Variants in THADA observed in about 807,000 individuals in gnomAD.
THADA encodes the protein tRNA (32-2'-O)-methyltransferase regulator THADA.
Under a neutral mutation model 219.8 loss-of-function variants are expected in THADA, and 213 were observed. That is an observed-to-expected ratio of 0.97 (90% CI 0.87 to 1.09). The LOEUF is 1.09. THADA is among the 50% of genes least tolerant of loss of function. The pLI, the probability that THADA is intolerant of heterozygous loss-of-function variation, is 0.00. For synonymous variants in THADA, 1,018 were observed against 828.9 expected, an observed-to-expected ratio of 1.23 and a Z score of -3.92; for missense variants, 2,956 against 2,311.3, an observed-to-expected ratio of 1.28 and a Z score of -5.72.
intron 17 of THADA, among the ~76,000 whole-genome samples, chr2:43,552,888 C>G (rs77276591): frequency 0.019 from 2,843 of 151,922 alleles, 43 homozygotes; most frequent in African/African-American, 0.048. Context: ...CCTAGAGGAT[C>G]ACATATTGTA....
At chr2:43,497,480 G>C (rs760882959) in intron 25 of THADA, among the ~76,000 whole-genome samples, 59 of 152,262 alleles carry the variant, frequency 3.9e-4, no homozygotes, top group Non-Finnish European at 7.1e-4. Context: ...ATTGGGAGCT[G>C]AACAGTGAGA....
At position 43,515,151 on chromosome 2, in the gene THADA, T is replaced by TATATATAATATATA. The variant is rs1691342390; in HGVS notation, c.3375-6372_3375-6371insTATATATTATATAT. On this transcript the variant is annotated intron_variant, in intron 22 of 37. Transcript: ENST00000405975. ...TTTATATATAATATATAATATATTT[T>TATATATAATATATA]ATATATTATATATAATATATTATAT... is the stretch of plus-strand genomic sequence containing the variant. 6.5e-4 allele frequency among the ~76,000 whole-genome samples: 4 copies of TATATATAATATATA among 6,128 alleles called. 1 individual carries two copies. The highest frequency in any genetic ancestry group is 3.8e-3 in the South Asian group (1 of 262). The allele number at this position is 6,128 out of a possible 152,430, so 4.0% of individuals were successfully genotyped here. A position where few individuals can be genotyped will look rare whatever the true frequency, so the allele number is the denominator to read the frequency against.
At chr2:43,424,843 C>T (rs1558738925) in intron 28 of THADA, among the ~76,000 whole-genome samples, 1 of 152,088 alleles carries the variant, frequency 6.6e-6, no homozygotes. Context: ...TAACCCCAGG[C>T]GATTGTCACC....
intron 35 of THADA, among the ~76,000 whole-genome samples, chr2:43,284,348 G>A (rs78528659): frequency 0.03 from 4,630 of 152,238 alleles, 99 homozygotes; most frequent in Middle Eastern, 0.082. Flanking sequence ...GCAGCCTCAG[G>A]ACACAGCACG....
At chr2:43,248,156 TATATATATAGAG>T (rs1361136228) in intron 36 of THADA, among the ~76,000 whole-genome samples, 102 of 75,966 alleles carry the variant, frequency 1.3e-3, no homozygotes, top group African/African-American at 2.6e-3. Context: ...TATATATATA[TATATATATAGAG>T]AGAGAGAGAG....
intron 29 of THADA, among the ~76,000 whole-genome samples, chr2:43,386,574 T>C (rs1162480725): frequency 2.0e-5 from 3 of 152,144 alleles, no homozygotes; most frequent in African/African-American, 4.8e-5. Context: ...ATGTATAATA[T>C]TTAAGGTCCT....
intron 34 of THADA, among the ~76,000 whole-genome samples, chr2:43,291,057 TAA>T (rs141959512): frequency 2.0e-5 from 3 of 151,858 alleles, no homozygotes; most frequent in Non-Finnish European, 2.9e-5. Context: ...CCTCTTTAAA[TAA>T]AGAGTCCAGC....
intron 25 of THADA, among the ~76,000 whole-genome samples, chr2:43,488,463 T>C (rs896799178): frequency 2.2e-4 from 33 of 152,188 alleles, no homozygotes; most frequent in African/African-American, 7.7e-4. Context: ...TTCTTTCACC[T>C]AGCATAATGT....
chr2:43,518,088 T>G (rs1031956827), intron 22 of THADA, among the ~76,000 whole-genome samples: 3 of 152,192 alleles, frequency 2.0e-5, no homozygotes, highest in African/African-American at 7.2e-5. Context: ...AGCAGATAGT[T>G]TATTATTTTC....
chr2:43,513,809 ATATG>A (rs1315571554), intron 22 of THADA, among the ~76,000 whole-genome samples: 1 of 152,216 alleles, frequency 6.6e-6, no homozygotes, highest in African/African-American at 2.4e-5. Context: ...CATTCACTCT[ATATG>A]AAACTAATTT....
At chr2:43,399,818 C>T (rs1396236928) in intron 28 of THADA, among the ~76,000 whole-genome samples, 1 of 151,152 alleles carries the variant, frequency 6.6e-6, no homozygotes, top group Non-Finnish European at 1.5e-5. Context: ...AAAATGTTTG[C>T]TTTGGCCTAT....
At chr2:43,462,665 C>A (rs1258076771) in intron 26 of THADA, among the ~76,000 whole-genome samples, 7 of 152,102 alleles carry the variant, frequency 4.6e-5, no homozygotes, top group Non-Finnish European at 2.9e-5. Flanking sequence ...ATTTTGGTTT[C>A]TCTTCATTTC....
At chr2:43,593,307 G>C (rs114892119) in intron 1 of THADA, among the ~76,000 whole-genome samples, 2,234 of 152,276 alleles carry the variant, frequency 0.015, 27 homozygotes, top group Middle Eastern at 0.02. Flanking sequence ...AGGCTGGAGA[G>C]GCAAAACGTG....
At chr2:43,275,502 C>T (rs1197402743) in intron 36 of THADA, among the ~76,000 whole-genome samples, 1 of 152,200 alleles carries the variant, frequency 6.6e-6, no homozygotes, top group Non-Finnish European at 1.5e-5. Flanking sequence ...CTCCCAGAGG[C>T]ACCCTGCCTC....
intron 31 of THADA, among the ~76,000 whole-genome samples, chr2:43,297,723 T>G (rs1364859962): frequency 4.4e-5 from 3 of 67,590 alleles, no homozygotes; most frequent in Non-Finnish European, 5.6e-5. Context: ...GGGAGGGAGG[T>G]GGGGGGGTCG....
intron 36 of THADA, among the ~76,000 whole-genome samples, chr2:43,240,141 G>A (rs1273714019): frequency 6.6e-6 from 1 of 152,216 alleles, no homozygotes; most frequent in African/African-American, 2.4e-5. Flanking sequence ...GACAGGCTAA[G>A]CAGGGTGGGT....
chr2:43,250,772 A>G (rs914925195), intron 36 of THADA, among the ~76,000 whole-genome samples: 5 of 152,188 alleles, frequency 3.3e-5, no homozygotes, highest in African/African-American at 1.2e-4. Context: ...GGGATGGAGC[A>G]GGATAGTGTG....
At chr2:43,514,244 G>C (rs1022685022) in intron 22 of THADA, among the ~76,000 whole-genome samples, 1 of 151,230 alleles carries the variant, frequency 6.6e-6, no homozygotes, top group African/African-American at 2.4e-5. Flanking sequence ...GAGCTCTGGA[G>C]TTTGAGACCA....
chr2:43,590,784 A>C (rs772471973), intron 4 of THADA, 40 bp downstream of exon 4: 27 of 1,600,964 alleles, frequency 1.7e-5, no homozygotes, highest in Middle Eastern at 3.3e-4. Flanking sequence ...GGTCAAATTC[A>C]ACATTTATAA....
Sources: gnomAD v4.1 joint callset for allele counts (sites outside exome capture counted in the v4.1 genomes callset) on GRCh38, gnomAD v4.1.1 for gene constraint, MANE v1.5 for transcripts, NCBI Gene and HGNC (gene_info 2026-07-23, HGNC 2026-07-21) for gene names.